NUP58: variants seen among roughly 807,000 people sequenced by gnomAD.
NUP58 encodes the protein nucleoporin p58/p45.
Under a neutral mutation model 70.1 loss-of-function variants are expected in NUP58, and 17 were observed. The ratio of observed to expected loss-of-function variants is 0.24; its 90% CI spans 0.17 to 0.36. The LOEUF is 0.36. Ranked by LOEUF, NUP58 falls within the 10% of genes least tolerant of loss-of-function variation. NUP58 has a pLI of 1.00. For synonymous variants in NUP58, 275 were observed against 257.6 expected, an observed-to-expected ratio of 1.07 and a Z score of -0.65; for missense variants, 644 against 701.5, an observed-to-expected ratio of 0.92 and a Z score of 0.93.
chr13:25,301,930 C>A, intron 1 of NUP58, 50 bp downstream of exon 1: 1 of 1,196,864 alleles, frequency 8.4e-7, no homozygotes, highest in Non-Finnish European at 1.2e-6. Context: ...CCACCCCCAC[C>A]CCCGCAAAGC....
chr13:25,327,747 A>C, intron 12 of NUP58, among the ~76,000 whole-genome samples: 1 of 152,206 alleles, frequency 6.6e-6, no homozygotes, highest in Non-Finnish European at 1.5e-5. Flanking sequence ...TAAGCAGTGC[A>C]TTGTGAATAA....
intron 7 of NUP58, 67 bp from the exon 8 acceptor site, chr13:25,320,463 A>G (rs891402688): frequency 1.1e-4 from 126 of 1,111,114 alleles, no homozygotes; most frequent in Non-Finnish European, 1.6e-4. Flanking sequence ...CTAATACTCT[A>G]TTAAAACTCA....
At chr13:25,310,479 C>T (rs1018837078) in intron 3 of NUP58, among the ~76,000 whole-genome samples, 10 of 148,548 alleles carry the variant, frequency 6.7e-5, no homozygotes, top group African/African-American at 2.5e-4. Flanking sequence ...CTTGGCCTTC[C>T]GAAGTGCTGG....
At position 25,307,808 on chromosome 13, in the gene NUP58, A is replaced by G. The variant is rs755960379; in HGVS notation, c.110A>G (p.Asn37Ser). The G allele has an allele frequency of 5.0e-6, 8 of 1,613,766 alleles. No individual in the cohort carries two copies. Among genetic ancestry groups the G allele is most frequent in the Admixed American group, 3.3e-5 (2 of 59,938 alleles). The change falls in exon 2 of 16, where the codon AAC becomes AGC. Residue 37 changes from asparagine to serine, a missense_variant and splice_region_variant. By Grantham distance (46) the Asn-to-Ser change is conservative. Coordinates refer to ENST00000381736, the MANE Select transcript of NUP58 (RefSeq NM_014089.4). ...TTGTTTTTGTTTCTTTAAATAAGCA[A>G]CCCTTCTGTGGGGCTCAATTTTGGA... is the stretch of plus-strand genomic sequence containing the variant. Reference protein sequence around the residue: ...VFSFGTGASSNPSVGLNFGNL... With the variant: ...VFSFGTGASSSPSVGLNFGNL...
chr13:25,307,853 C>T lies in NUP58; in HGVS notation c.155C>T (p.Thr52Ile). ...TTTGGAAATCTTGGAAGTACTTCAACTCCAGCAACTACATCTGCTCCTTCA... is the reference window on the plus strand; with the variant it reads ...TTTGGAAATCTTGGAAGTACTTCAATTCCAGCAACTACATCTGCTCCTTCA... Reference protein sequence around the residue: ...LNFGNLGSTSTPATTSAPSSG... With the variant: ...LNFGNLGSTSIPATTSAPSSG... Residue 52 changes from threonine to isoleucine, a missense_variant, in exon 2 of 16, where the codon ACT (threonine) becomes ATT (isoleucine). This residue lies in a region of NUP58 where 430 missense variants were observed against 409.2 expected (regional missense o/e 1.05). Coordinates refer to ENST00000381736, the MANE Select transcript of NUP58 (RefSeq NM_014089.4). The T allele has an allele frequency of 6.2e-7, 1 of 1,614,152 alleles. No individual in the cohort carries two copies. The highest frequency in any genetic ancestry group is 8.5e-7 in the Non-Finnish European group (1 of 1,180,000).
At chr13:25,330,086 C>G (rs1402405955) in intron 12 of NUP58, among the ~76,000 whole-genome samples, 1 of 152,140 alleles carries the variant, frequency 6.6e-6, no homozygotes, top group Non-Finnish European at 1.5e-5. Flanking sequence ...CCTAGACCTC[C>G]CTAAGGGCTG....
At chr13:25,310,505 C>T (rs934976593) in intron 3 of NUP58, among the ~76,000 whole-genome samples, 5 of 149,104 alleles carry the variant, frequency 3.4e-5, no homozygotes, top group South Asian at 4.2e-4. Flanking sequence ...CAGGCGTGAG[C>T]CACTGTGCCT....
intron 1 of NUP58, among the ~76,000 whole-genome samples, chr13:25,304,494 ATATATATATATATATATATATATG>A (rs1196487453): frequency 1.1e-5 from 1 of 92,340 alleles, no homozygotes; most frequent in South Asian, 3.4e-4. Context: ...ATATATATAT[ATATATATATATATATATATATATG>A]TATTTTTTTT....
chr13:25,335,766 TC>T, intron 13 of NUP58: 1 of 984,050 alleles, frequency 1.0e-6, no homozygotes. Context: ...ACCTCATTCT[TC>T]ATTGGATAAC....
At position 25,301,889 on chromosome 13, in the gene NUP58, A is replaced by C. The variant is rs772110113; in HGVS notation, c.107+9A>C. On this transcript the variant is annotated intron_variant, in intron 1 of 15. Transcript: ENST00000381736. ...GGAACGGGAGCGTCTAGGTAACCGC[A>C]CTTTCTCGCCTTCCTGGGCCGGATT... 1.9e-6 allele frequency: 3 copies of C among 1,590,956 alleles called. No homozygotes were observed. Among genetic ancestry groups the C allele is most frequent in the East Asian group, 2.2e-5 (1 of 44,520 alleles).
downstream of NUP58, among the ~76,000 whole-genome samples, chr13:25,343,652 T>C (rs945121128): frequency 2.6e-5 from 4 of 151,686 alleles, no homozygotes; most frequent in African/African-American, 9.7e-5. Context: ...GAGATGTATT[T>C]TACCATGTTG....
chr13:25,311,563 C>T (rs778728160), intron 3 of NUP58, among the ~76,000 whole-genome samples: 59 of 151,716 alleles, frequency 3.9e-4, no homozygotes, highest in Non-Finnish European at 6.2e-4. Flanking sequence ...TTAGTAGAAA[C>T]GGGGTTTCAC....
chr13:25,317,862 T>TA (rs1408910407), intron 6 of NUP58: 6 of 147,666 alleles, frequency 4.1e-5, no homozygotes, highest in Non-Finnish European at 9.0e-5. Context: ...TGCTTGATTT[T>TA]TTTTTTTTTT....
intron 7 of NUP58, among the ~76,000 whole-genome samples, chr13:25,319,566 CTA>C (rs780662029): frequency 6.5e-4 from 99 of 152,052 alleles, no homozygotes; most frequent in African/African-American, 2.2e-3. Context: ...AAATTTAAAA[CTA>C]TTTCTGGAAA....
chr13:25,324,853 AT>A, intron 9 of NUP58, 135 bp from the exon 10 acceptor site: 1 of 644,374 alleles, frequency 1.6e-6, no homozygotes, highest in Non-Finnish European at 2.7e-6. Context: ...CATCCATAAT[AT>A]GTTCTTATAG....
chr13:25,320,707 G>T, intron 8 of NUP58, 112 bp downstream of exon 8: 1 of 801,526 alleles, frequency 1.2e-6, no homozygotes, highest in Non-Finnish European at 2.0e-6. Flanking sequence ...CTCTTAACTA[G>T]GGTTAAAATG....
intron 1 of NUP58, among the ~76,000 whole-genome samples, chr13:25,304,834 G>A (rs939058094): frequency 6.6e-6 from 1 of 151,872 alleles, no homozygotes; most frequent in Non-Finnish European, 1.5e-5. Flanking sequence ...CCAGCCGGCA[G>A]TAATGTTTTA....
Position 25,301,710 on chromosome 13 carries a change from T to C in NUP58, c.-64T>C, listed in dbSNP as rs2030001229. 1.8e-5 allele frequency: 16 copies of C among 904,574 alleles called. No homozygotes were observed. Among genetic ancestry groups the C allele is most frequent in the Non-Finnish European group, 2.6e-5 (16 of 622,314 alleles). 56.0% of individuals were successfully genotyped at this position (904,574 alleles called of 1,614,324 possible). A position where few individuals can be genotyped will look rare whatever the true frequency, so the allele number is the denominator to read the frequency against. ...AGATGCTGCCCGGCCCGCCTCGGCTTTGAGGCGAGAGAAGTGTCCCAGACC... is the reference window on the plus strand; with the variant it reads ...AGATGCTGCCCGGCCCGCCTCGGCTCTGAGGCGAGAGAAGTGTCCCAGACC... On this transcript the variant is annotated 5_prime_UTR_variant, in exon 1 of 16. Coordinates refer to ENST00000381736, the MANE Select transcript of NUP58 (RefSeq NM_014089.4).
At chr13:25,310,400 A>G (rs1237197945) in intron 3 of NUP58, among the ~76,000 whole-genome samples, 2 of 150,518 alleles carry the variant, frequency 1.3e-5, no homozygotes, top group Non-Finnish European at 1.5e-5. Flanking sequence ...TTGTATTTTT[A>G]GTAGAGATGG....
Sources: allele counts gnomAD v4.1 joint callset (sites outside exome capture counted in the v4.1 genomes callset), GRCh38; gene constraint gnomAD v4.1.1; regional missense constraint gnomAD v4.1.1; transcripts MANE v1.5; gene names NCBI Gene and HGNC (gene_info 2026-07-23, HGNC 2026-07-21).